Variants in PIK3C2G observed in about 807,000 individuals in gnomAD.
The protein encoded by PIK3C2G is phosphatidylinositol-4-phosphate 3-kinase catalytic subunit type 2 gamma.
PIK3C2G carries 168 observed loss-of-function variants against 181.1 expected under a neutral mutation model. The observed-to-expected ratio is 0.93, with a 90% CI of 0.82 to 1.05. The LOEUF (loss-of-function observed/expected upper bound fraction) is 1.05. Ranked by LOEUF, PIK3C2G falls within the 50% of genes least tolerant of loss-of-function variation. The pLI, the probability that PIK3C2G is intolerant of heterozygous loss-of-function variation, is 0.00. For synonymous variants in PIK3C2G, 573 were observed against 592.2 expected (o/e 0.97, Z 0.47); for missense variants, 1,869 against 1,732.8 (o/e 1.08, Z -1.40).
intron 19 of PIK3C2G, among the ~76,000 whole-genome samples, chr12:18,489,713 G>A (rs935295541): frequency 2.0e-5 from 3 of 152,102 alleles, no homozygotes; most frequent in Non-Finnish European, 2.9e-5. Flanking sequence ...TAATTATTTT[G>A]TAATGGTAGA....
intron 18 of PIK3C2G, among the ~76,000 whole-genome samples, chr12:18,455,669 C>T (rs4569054): frequency 7.9e-5 from 12 of 151,924 alleles, no homozygotes; most frequent in Non-Finnish European, 1.2e-4. Flanking sequence ...CCTGCTTCAC[C>T]GACAGCTGTC....
At chr12:18,667,217 C>G in the PIK3C2G span, among the ~76,000 whole-genome samples, 1 of 152,096 alleles carries the variant, frequency 6.6e-6, no homozygotes, top group African/African-American at 2.4e-5. Flanking sequence ...AGGAATAGTT[C>G]AAATACGTAA....
chr12:18,326,058 T>G (rs1951334346), intron 8 of PIK3C2G, among the ~76,000 whole-genome samples: 1 of 152,130 alleles, frequency 6.6e-6, no homozygotes, highest in South Asian at 2.1e-4. Flanking sequence ...TCATAAGAAG[T>G]GAAAATGTGC....
At chr12:18,415,840 C>T (rs1222680777) in intron 16 of PIK3C2G, among the ~76,000 whole-genome samples, 1 of 152,138 alleles carries the variant, frequency 6.6e-6, no homozygotes, top group Non-Finnish European at 1.5e-5. Context: ...TTCTCTGAAG[C>T]CAAAGCCTAA....
At chr12:18,685,538 C>G in the PIK3C2G span, 2 of 363,016 alleles carry the variant, frequency 5.5e-6, no homozygotes, top group African/African-American at 4.2e-5. Flanking sequence ...TCTATGTTTT[C>G]TATGGTTCAC....
intron 26 of PIK3C2G, among the ~76,000 whole-genome samples, chr12:18,553,550 T>G (rs1944846746): frequency 6.6e-6 from 1 of 152,116 alleles, no homozygotes; most frequent in African/African-American, 2.4e-5. Context: ...TACGTAAGAC[T>G]AGCTGAACTT....
intron 1 of PIK3C2G, among the ~76,000 whole-genome samples, chr12:18,275,633 G>A (rs953878191): frequency 2.6e-5 from 4 of 152,030 alleles, no homozygotes; most frequent in African/African-American, 9.7e-5. Flanking sequence ...CACCCGCCTC[G>A]GCCTCCCAAA....
intron 31 of PIK3C2G, among the ~76,000 whole-genome samples, chr12:18,621,597 CAT>C (rs766647575): frequency 4.6e-5 from 7 of 151,540 alleles, no homozygotes; most frequent in Non-Finnish European, 8.9e-5. Context: ...ATGTTATTAA[CAT>C]ATATGTATAT....
chr12:18,528,549 C>G (rs779048964), intron 24 of PIK3C2G, among the ~76,000 whole-genome samples: 3 of 152,170 alleles, frequency 2.0e-5, no homozygotes, highest in Non-Finnish European at 2.9e-5. Flanking sequence ...GGGATTTAAG[C>G]TTGCATACTT....
At position 18,538,171 on chromosome 12, in the gene PIK3C2G, C is replaced by G; in HGVS notation, c.3339C>G (p.Phe1113Leu). 1 of 1,611,366 alleles carries G rather than the reference C, an allele frequency of 6.2e-7. No homozygotes were observed. The highest frequency in any genetic ancestry group is 8.5e-7 in the Non-Finnish European group (1 of 1,178,682). The change falls in exon 25 of 33, where the codon TTC becomes TTG. Residue 1113 changes from phenylalanine to leucine, a missense_variant. Physicochemically the swap from Phe to Leu is conservative, Grantham distance 22. Coordinates refer to ENST00000538779, the MANE Select transcript of PIK3C2G (RefSeq NM_001288772.2). Reference sequence around the variant, plus strand: ...TGGTTTACAGGGACCGAGCTCCTTTCATTTTTACTTCAGAGATGGAATACT... The same window carrying G: ...TGGTTTACAGGGACCGAGCTCCTTTGATTTTTACTTCAGAGATGGAATACT... ...FGGIKRDRAP[F>L]IFTSEMEYFI...
chr12:18,334,105 A>G (rs920953870), intron 8 of PIK3C2G, among the ~76,000 whole-genome samples: 2 of 152,174 alleles, frequency 1.3e-5, no homozygotes, highest in Admixed American at 1.3e-4. Flanking sequence ...ATAAAATAAC[A>G]TCATAGTGCT....
intron 30 of PIK3C2G, among the ~76,000 whole-genome samples, chr12:18,604,800 G>A (rs1947924010): frequency 6.6e-6 from 1 of 152,066 alleles, no homozygotes; most frequent in Non-Finnish European, 1.5e-5. Context: ...ATGAGTGTTG[G>A]GTCAAAAATG....
intron 18 of PIK3C2G, among the ~76,000 whole-genome samples, chr12:18,439,717 A>C (rs1946637788): frequency 6.6e-6 from 1 of 152,072 alleles, no homozygotes; most frequent in Non-Finnish European, 1.5e-5. Context: ...CCTTACTGCT[A>C]GTGCTATGTT....
chr12:18,397,161 T>C (rs1405291885), intron 15 of PIK3C2G, among the ~76,000 whole-genome samples: 6 of 151,922 alleles, frequency 3.9e-5, no homozygotes, highest in African/African-American at 1.2e-4. Context: ...AGGCCACCCA[T>C]GCAATAAATG....
intron 26 of PIK3C2G, among the ~76,000 whole-genome samples, chr12:18,555,619 T>C (rs950218429): frequency 6.6e-6 from 1 of 152,170 alleles, no homozygotes; most frequent in African/African-American, 2.4e-5. Context: ...AGAAATTTTA[T>C]GCTTATTATA....
At chr12:18,470,560 G>C (rs1373848857) in intron 18 of PIK3C2G, among the ~76,000 whole-genome samples, 25 of 152,114 alleles carry the variant, frequency 1.6e-4, no homozygotes. Flanking sequence ...CTGTGCTTTA[G>C]AACAATTCAA....
intron 26 of PIK3C2G, among the ~76,000 whole-genome samples, chr12:18,561,737 T>C (rs1214384717): frequency 6.6e-6 from 1 of 150,920 alleles, no homozygotes; most frequent in Non-Finnish European, 1.5e-5. Context: ...GAATGCAAAC[T>C]TTCTTAAATA....
At chr12:18,711,977 GTAGA>G in the PIK3C2G span, among the ~76,000 whole-genome samples, 1 of 151,970 alleles carries the variant, frequency 6.6e-6, no homozygotes, top group Non-Finnish European at 1.5e-5. Flanking sequence ...TTAATATATA[GTAGA>G]TAAATTTATA....
At chr12:18,468,626 C>T (rs922589122) in intron 18 of PIK3C2G, among the ~76,000 whole-genome samples, 11 of 151,978 alleles carry the variant, frequency 7.2e-5, no homozygotes, top group Non-Finnish European at 1.5e-4. Context: ...TGACTTCTCC[C>T]TTTATTGACT....
Sources: gnomAD v4.1 joint callset for allele counts (sites outside exome capture counted in the v4.1 genomes callset) on GRCh38, gnomAD v4.1.1 for gene constraint, MANE v1.5 for transcripts, NCBI Gene and HGNC (gene_info 2026-07-23, HGNC 2026-07-21) for gene names.